TRPM3: variants seen among roughly 807,000 people sequenced by gnomAD.
TRPM3 encodes long transient receptor potential channel 3.
TRPM3 carries 77 observed loss-of-function variants against 181.2 expected under a neutral mutation model. The ratio of observed to expected loss-of-function variants is 0.42; its 90% confidence interval spans 0.35 to 0.51. The LOEUF (loss-of-function observed/expected upper bound fraction) is 0.51, where lower values mean the gene tolerates loss of function less well. Among genes scored for constraint, TRPM3 ranks in the 20% least tolerant of loss-of-function variants. TRPM3 has a pLI of 0.01. For synonymous variants in TRPM3, 745 were observed against 796.4 expected (o/e 0.94, Z 1.09); for missense variants, 1,759 against 2,196.7 (o/e 0.80, Z 3.98).
At chr9:71,418,568 G>A (rs1357804818) in intron 1 of TRPM3, among the ~76,000 whole-genome samples, 2 of 151,520 alleles carry the variant, frequency 1.3e-5, no homozygotes, top group African/African-American at 4.8e-5. Flanking sequence ...AATGGGGAGG[G>A]GATATTAGTG....
At chr9:70,963,948 TAC>T (rs1486017317) in intron 1 of TRPM3, among the ~76,000 whole-genome samples, 3 of 152,158 alleles carry the variant, frequency 2.0e-5, no homozygotes, top group Non-Finnish European at 4.4e-5. Flanking sequence ...ATTTTTCTCT[TAC>T]AAAATGTGTT....
intron 1 of TRPM3, among the ~76,000 whole-genome samples, chr9:71,145,063 C>A (rs935928345): frequency 1.3e-5 from 2 of 151,768 alleles, no homozygotes; most frequent in Admixed American, 1.3e-4. Flanking sequence ...ACTAATAGTC[C>A]AACAAAAACT....
In TRPM3 at chr9:71,100,533, C is replaced by T. The variant is rs80248683; in HGVS notation, c.177+20645G>A. Among the ~76,000 whole-genome samples the T allele has an allele frequency of 4.8e-3, 737 of 152,262 alleles. 17 individuals are homozygous for T. In the East Asian group the frequency reaches 0.077, roughly 16 times the overall value. ...AATTATGAGGATACTAACCCACACT[C>T]ACCTGGGAGGTATATACAAAGTAAT... On this transcript the variant is annotated intron_variant, in intron 1 of 25. Coordinates refer to ENST00000677713, the MANE Select transcript of TRPM3 (RefSeq NM_001366145.2).
At chr9:71,237,753 T>G (rs1468313197) in intron 1 of TRPM3, among the ~76,000 whole-genome samples, 1 of 152,272 alleles carries the variant, frequency 6.6e-6, no homozygotes, top group East Asian at 1.9e-4. Context: ...GAATAGAAAT[T>G]TATTTCTCAT....
At position 70,633,402 on chromosome 9, in the gene TRPM3, C is replaced by T. The variant is rs142426631; in HGVS notation, c.1632+1809G>A. 5.2e-4 allele frequency among the ~76,000 whole-genome samples: 79 copies of T among 152,114 alleles called. No individual in the cohort carries two copies. In the East Asian group the frequency reaches 0.011, roughly 21 times the overall value. Reference sequence around the variant, plus strand: ...GGGTTTGTTGAGGGTAGATCTACTACGATGGCATGGAATGGGTAGACCAGT... The same window carrying T: ...GGGTTTGTTGAGGGTAGATCTACTATGATGGCATGGAATGGGTAGACCAGT... On this transcript the variant is annotated intron_variant, in intron 12 of 25. Coordinates refer to ENST00000677713, the MANE Select transcript of TRPM3 (RefSeq NM_001366145.2).
intron 1 of TRPM3, among the ~76,000 whole-genome samples, chr9:71,048,421 C>G (rs186393729): frequency 6.6e-6 from 1 of 152,290 alleles, no homozygotes; most frequent in East Asian, 1.9e-4. Context: ...TGAATGGCCA[C>G]AAATCTTTAT....
intron 1 of TRPM3, among the ~76,000 whole-genome samples, chr9:71,274,690 A>T (rs1400756320): frequency 6.6e-6 from 1 of 152,216 alleles, no homozygotes; most frequent in Non-Finnish European, 1.5e-5. Context: ...CATTTTCTTG[A>T]ATCTATTCAC....
rs553843306 is a variant in TRPM3, at chr9:70,618,237, C to T, written c.2358+630G>A. On this transcript the variant is annotated intron_variant, in intron 17 of 25. Coordinates refer to ENST00000677713, the MANE Select transcript of TRPM3 (RefSeq NM_001366145.2). ...CATTCAACCTCAAAGGTAACCACTG[C>T]GGACAATTTACTATGTGTCCTTCCT... Among the ~76,000 whole-genome samples the T allele has an allele frequency of 2.7e-4, 41 of 152,296 alleles. 1 individual carries two copies. Among genetic ancestry groups the T allele is most frequent in the African/African-American group, 7.9e-4 (33 of 41,554 alleles).
rs185986956 is a variant in TRPM3, at chr9:71,378,897, C to T, written c.183+67756G>A. 2.6e-4 allele frequency among the ~76,000 whole-genome samples: 40 copies of T among 152,014 alleles called. No individual in the cohort carries two copies. In the East Asian group the frequency reaches 7.0e-3, roughly 26 times the overall value. Reference sequence around the variant, plus strand: ...ATAATGCGTACAACTATCTCTGAAACACAGTGATATAATTTAGATTTGTGT... The same window carrying T: ...ATAATGCGTACAACTATCTCTGAAATACAGTGATATAATTTAGATTTGTGT... On this transcript the variant is annotated intron_variant, in intron 1 of 24. Transcript: ENST00000357533.
At chr9:70,683,732 T>C (rs2066074280) in intron 8 of TRPM3, among the ~76,000 whole-genome samples, 1 of 152,170 alleles carries the variant, frequency 6.6e-6, no homozygotes, top group Non-Finnish European at 1.5e-5. Flanking sequence ...TTGGCCAAGA[T>C]GCCATCTGGA....
At chr9:71,202,398 C>T (rs575028150) in intron 1 of TRPM3, among the ~76,000 whole-genome samples, 80 of 152,268 alleles carry the variant, frequency 5.3e-4, no homozygotes, top group Admixed American at 9.8e-4. Context: ...CAGAGGTTTA[C>T]TGCTGTCTTT....
At chr9:71,141,564 T>C (rs543972111) in intron 1 of TRPM3, among the ~76,000 whole-genome samples, 221 of 152,286 alleles carry the variant, frequency 1.5e-3, no homozygotes, top group African/African-American at 5.1e-3. Flanking sequence ...TTTATTAAGT[T>C]AAAGGGGCTT....
At chr9:70,809,939 A>G (rs149435468) in intron 6 of TRPM3, 105 of 534,192 alleles carry the variant, frequency 2.0e-4, no homozygotes, top group African/African-American at 1.3e-3. Context: ...TGGTTATCCC[A>G]ATGCATTTGA....
At chr9:70,817,535 C>G (rs1203938723) in intron 6 of TRPM3, among the ~76,000 whole-genome samples, 1 of 152,200 alleles carries the variant, frequency 6.6e-6, no homozygotes. Context: ...TGTGTCCTAA[C>G]TAAGGCTTTA....
intron 6 of TRPM3, among the ~76,000 whole-genome samples, chr9:70,821,391 A>G (rs959322195): frequency 6.6e-6 from 1 of 152,198 alleles, no homozygotes; most frequent in African/African-American, 2.4e-5. Flanking sequence ...GGTGGCTATA[A>G]TAACATTTTT....
intron 1 of TRPM3, among the ~76,000 whole-genome samples, chr9:71,069,886 G>A (rs992787635): frequency 3.9e-5 from 6 of 152,090 alleles, no homozygotes; most frequent in African/African-American, 1.4e-4. Context: ...GGGACTACAG[G>A]CGTGAGCCAC....
At chr9:71,096,540 C>A (rs1035766715) in intron 1 of TRPM3, among the ~76,000 whole-genome samples, 1 of 146,848 alleles carries the variant, frequency 6.8e-6, no homozygotes, top group African/African-American at 2.6e-5. Flanking sequence ...ACTGTTGGAA[C>A]CCCCATCCTG....
intron 1 of TRPM3, among the ~76,000 whole-genome samples, chr9:70,894,084 A>G (rs1384818521): frequency 3.9e-5 from 6 of 152,236 alleles, no homozygotes; most frequent in Non-Finnish European, 8.8e-5. Flanking sequence ...AGCATATATA[A>G]TAGAATGAAA....
chr9:71,395,397 A>C (rs972164367), intron 1 of TRPM3, among the ~76,000 whole-genome samples: 6 of 152,208 alleles, frequency 3.9e-5, no homozygotes, highest in Non-Finnish European at 5.9e-5. Context: ...AGGAAATTCT[A>C]AGTAGTTTCT....
Sources: allele counts gnomAD v4.1 joint callset (sites outside exome capture counted in the v4.1 genomes callset), GRCh38; gene constraint gnomAD v4.1.1; transcripts MANE v1.5; gene names NCBI Gene and HGNC (gene_info 2026-07-23, HGNC 2026-07-21).